The following PLEKHA7 variants were observed in gnomAD, a reference collection of about 807,000 sequenced individuals.
The protein encoded by PLEKHA7 is pleckstrin homology domain containing A7.
In PLEKHA7, 104 loss-of-function variants were observed where a neutral mutation model predicts 170.0. The ratio of observed to expected loss-of-function variants is 0.61; its 90% CI spans 0.52 to 0.72. PLEKHA7 has a LOEUF of 0.72. PLEKHA7 is among the 30% of genes least tolerant of loss of function. PLEKHA7 has a pLI of 0.00. For synonymous variants in PLEKHA7, 648 were observed against 660.8 expected (o/e 0.98, Z 0.30); for missense variants, 1,615 against 1,671.7 (o/e 0.97, Z 0.59).
At chr11:16,797,358 C>T (rs1395775639) in intron 17 of PLEKHA7, among the ~76,000 whole-genome samples, 9 of 152,220 alleles carry the variant, frequency 5.9e-5, no homozygotes, top group African/African-American at 2.2e-4. Flanking sequence ...CCTAGCTACC[C>T]CTCAACTGGA....
At chr11:16,889,665 C>T (rs868064669) in intron 3 of PLEKHA7, among the ~76,000 whole-genome samples, 1 of 151,674 alleles carries the variant, frequency 6.6e-6, no homozygotes, top group Admixed American at 6.6e-5. Context: ...TTATGTGAAA[C>T]GTCCAAACCT....
At chr11:16,885,583 G>A (rs955731758) in intron 3 of PLEKHA7, among the ~76,000 whole-genome samples, 2 of 144,896 alleles carry the variant, frequency 1.4e-5, no homozygotes, top group Non-Finnish European at 3.2e-5. Flanking sequence ...GGAAAAAAAA[G>A]AACTAAAGGA....
At chr11:16,930,932 C>T (rs771434451) in intron 3 of PLEKHA7, among the ~76,000 whole-genome samples, 72 of 152,184 alleles carry the variant, frequency 4.7e-4, no homozygotes, top group Admixed American at 1.5e-3. Flanking sequence ...GGCTCCCTGC[C>T]GCACCTAAGC....
chr11:16,992,687 C>T (rs1156284251), intron 3 of PLEKHA7, among the ~76,000 whole-genome samples: 1 of 147,844 alleles, frequency 6.8e-6, no homozygotes, highest in Non-Finnish European at 1.5e-5. Flanking sequence ...ACCCAGGAGG[C>T]GGAGGTTGTG....
chr11:16,940,659 A>C (rs770469106), intron 3 of PLEKHA7, among the ~76,000 whole-genome samples: 1 of 152,132 alleles, frequency 6.6e-6, no homozygotes, highest in Non-Finnish European at 1.5e-5. Flanking sequence ...GTTCCTTTAA[A>C]AGTGAATAAA....
intron 8 of PLEKHA7, among the ~76,000 whole-genome samples, chr11:16,844,136 C>A (rs1022628737): frequency 1.3e-5 from 2 of 152,092 alleles, no homozygotes; most frequent in African/African-American, 2.4e-5. Flanking sequence ...ATAGGGAGCC[C>A]TCCAAGGTAC....
chr11:16,921,366 G>GC (rs1308471914), intron 3 of PLEKHA7, among the ~76,000 whole-genome samples: 1 of 150,936 alleles, frequency 6.6e-6, no homozygotes, highest in Non-Finnish European at 1.5e-5. Flanking sequence ...TGCAAGTGAT[G>GC]CTTAAAAGTC....
chr11:16,782,944 C>A lies in PLEKHA7; in HGVS notation c.3651-48G>T, dbSNP rs1251325588. 3.3e-6 allele frequency: 5 copies of A among 1,522,298 alleles called. No homozygotes were observed. The East Asian group carries it at 1.2e-4, about 37-fold the overall frequency. 94.3% of individuals were successfully genotyped at this position (1,522,298 alleles called of 1,614,324 possible). On this transcript the variant is annotated intron_variant, in intron 25 of 26. Transcript: ENST00000531066. Reference sequence around the variant, plus strand: ...CCATGGGCCCTCCTGCCCTGGGTAGCAGCCTCAGGAGTGGAGGGTCTCCCT... The same window carrying A: ...CCATGGGCCCTCCTGCCCTGGGTAGAAGCCTCAGGAGTGGAGGGTCTCCCT...
chr11:16,968,859 C>T (rs907246322), intron 3 of PLEKHA7, among the ~76,000 whole-genome samples: 4 of 152,044 alleles, frequency 2.6e-5, no homozygotes, highest in Non-Finnish European at 5.9e-5. Context: ...ACCTGACAGC[C>T]TCCAGAAACG....
chr11:16,846,254 C>T (rs1451738926), intron 8 of PLEKHA7, among the ~76,000 whole-genome samples: 2 of 151,946 alleles, frequency 1.3e-5, no homozygotes, highest in African/African-American at 4.8e-5. Context: ...GACTACACTC[C>T]AGCCTGGGTG....
At chr11:16,843,250 T>C (rs1200647769) in intron 8 of PLEKHA7, among the ~76,000 whole-genome samples, 1 of 152,210 alleles carries the variant, frequency 6.6e-6, no homozygotes, top group Non-Finnish European at 1.5e-5. Context: ...ACTGGTTCAA[T>C]ACTCTGAATC....
intron 3 of PLEKHA7, among the ~76,000 whole-genome samples, chr11:16,933,943 T>G (rs1156887006): frequency 6.6e-6 from 1 of 152,210 alleles, no homozygotes; most frequent in Non-Finnish European, 1.5e-5. Context: ...CAGCAAAGTC[T>G]GCCTCCCAGC....
At chr11:16,948,874 A>G (rs1861224772) in intron 3 of PLEKHA7, among the ~76,000 whole-genome samples, 1 of 152,162 alleles carries the variant, frequency 6.6e-6, no homozygotes, top group Non-Finnish European at 1.5e-5. Context: ...TCCTCAACAC[A>G]GGTCCTGTGG....
At chr11:16,992,585 GTCTCTAC>G (rs1565188424) in intron 3 of PLEKHA7, among the ~76,000 whole-genome samples, 1 of 152,012 alleles carries the variant, frequency 6.6e-6, no homozygotes, top group African/African-American at 2.4e-5. Context: ...GTGAAACCTT[GTCTCTAC>G]TAAAAATACA....
At chr11:16,826,844 C>T (rs1199531680) in intron 9 of PLEKHA7, among the ~76,000 whole-genome samples, 1 of 152,172 alleles carries the variant, frequency 6.6e-6, no homozygotes, top group Non-Finnish European at 1.5e-5. Flanking sequence ...CCCACTGTCA[C>T]ACTAATCGCA....
chr11:17,014,346 A>G lies in PLEKHA7; in HGVS notation c.56T>C (p.Val19Ala). 2.2e-6 allele frequency: 3 copies of G among 1,394,972 alleles called. No individual in the cohort carries two copies. Among genetic ancestry groups the G allele is most frequent in the Non-Finnish European group, 2.8e-6 (3 of 1,064,250 alleles). The allele number at this position is 1,394,972 out of a possible 1,614,324, so 86.4% of individuals were successfully genotyped here. The stretch of plus-strand genomic sequence containing the variant: ...GAAGAAGACGCGGCCATCCCGGCAC[A>G]CCCCGTAGGACCAATGCTCAGGTAA... ...DTLPEHWSYG[V>A]CRDGRVFFIN... is the part of the protein sequence containing the mutation. Residue 19 changes from valine (V) to alanine (A), a missense_variant, in exon 1 of 27, where the codon GTG (valine) becomes GCG (alanine). Val to Ala is a moderately conservative substitution (Grantham distance 64). Coordinates refer to ENST00000531066, the MANE Select transcript of PLEKHA7 (RefSeq NM_001329630.2).
At chr11:16,994,448 C>T in intron 3 of PLEKHA7, among the ~76,000 whole-genome samples, 1 of 152,168 alleles carries the variant, frequency 6.6e-6, no homozygotes, top group Admixed American at 6.5e-5. Context: ...GAGGCCAACC[C>T]TCACCTGCTG....
At chr11:16,880,513 T>C (rs973628464) in intron 3 of PLEKHA7, among the ~76,000 whole-genome samples, 3 of 152,256 alleles carry the variant, frequency 2.0e-5, no homozygotes, top group Non-Finnish European at 4.4e-5. Flanking sequence ...TTTTGCCTTT[T>C]TCCACATTGC....
rs115796966 is a variant in PLEKHA7 at position 16,789,624 on chromosome 11, G to A, written c.3156+151C>T. The stretch of plus-strand genomic sequence containing the variant: ...GAAAGGCAGGATGCCCTCCTTGGTG[G>A]ACAGTGGGTGACAGGGAGCTCAGGA... On this transcript the variant is annotated intron_variant, in intron 22 of 26. Transcript: ENST00000531066. The surrounding 1 kb of genome is among the most constrained non-coding windows in gnomAD (Gnocchi z 4.6). The A allele has an allele frequency of 1.6e-3, 1,052 of 670,222 alleles. 12 individuals carry two copies. The African/African-American group carries it at 0.017, about 11-fold the overall frequency. 41.5% of individuals were successfully genotyped at this position (670,222 alleles called of 1,614,324 possible). A position where few individuals can be genotyped will look rare whatever the true frequency, so the allele number is the denominator to read the frequency against.
Sources: gnomAD v4.1 joint callset for allele counts (sites outside exome capture counted in the v4.1 genomes callset) on GRCh38, gnomAD v4.1.1 for gene constraint, Gnocchi (gnomAD v3.1) non-coding constraint, MANE v1.5 for transcripts, NCBI Gene and HGNC (gene_info 2026-07-23, HGNC 2026-07-21) for gene names.